DHRS4L2: variants seen among roughly 807,000 people sequenced by gnomAD.
DHRS4L2 encodes dehydrogenase/reductase SDR family member 4-like 2.
Under a neutral mutation model 23.9 loss-of-function variants are expected in DHRS4L2, and 22 were observed. The ratio of observed to expected loss-of-function variants is 0.92; its 90% CI spans 0.66 to 1.31. The LOEUF (loss-of-function observed/expected upper bound fraction) is 1.31, where lower values mean the gene tolerates loss of function less well. Ranked by LOEUF, DHRS4L2 falls within the 40% of genes most tolerant of loss-of-function variation. The pLI is 0.00. For synonymous variants in DHRS4L2, 141 were observed against 123.7 expected (o/e 1.14, Z -0.93); for missense variants, 385 against 303.3 (o/e 1.27, Z -2.00).
chr14:23,973,295 G>A (rs1389321226), intron 1 of DHRS4L2, among the ~76,000 whole-genome samples: 1 of 151,936 alleles, frequency 6.6e-6, no homozygotes, highest in Non-Finnish European at 1.5e-5. Flanking sequence ...GTGCCGCCAA[G>A]GCCACACCCA....
chr14:23,997,654 G>T (rs187830139), intron 3 of DHRS4L2, among the ~76,000 whole-genome samples: 3 of 146,986 alleles, frequency 2.0e-5, no homozygotes, highest in Admixed American at 6.6e-5. Flanking sequence ...CAGCTCCTCA[G>T]CCATCTACAT....
At chr14:23,990,433 C>G in intron 2 of DHRS4L2, 74 bp downstream of exon 2, 1 of 1,504,524 alleles carries the variant, frequency 6.6e-7, no homozygotes, top group Non-Finnish European at 8.9e-7. Flanking sequence ...TCCCTGCTTT[C>G]CTAGACAGCA....
At chr14:23,988,825 T>C (rs1300975501), upstream of DHRS4L2, 16 of 1,430,544 alleles carry the variant, frequency 1.1e-5, no homozygotes, top group Middle Eastern at 2.0e-4. Context: ...CACAGACGAC[T>C]CCCAGCTGGC....
chr14:24,000,869 G>A lies in DHRS4L2; in HGVS notation c.415G>A (p.Asp139Asn), dbSNP rs1376255721. Residue 139 changes from aspartate (D) to asparagine (N), a missense_variant, in exon 4 of 8, where the codon GAC becomes AAC. Coordinates refer to ENST00000335125, the MANE Select transcript of DHRS4L2 (RefSeq NM_198083.4). ...CTTCTTCTCTTGGCTTCAGACTCTG[G>A]ACATTAATGTGAAGGCCCCAGCCCT... ...VTEEVWDKTLDINVKAPALMT... is the reference protein window; with the variant it reads ...VTEEVWDKTLNINVKAPALMT... 1 of 1,609,594 alleles carries A rather than the reference G, an allele frequency of 6.2e-7. No homozygotes were observed. The highest frequency in any genetic ancestry group is 8.5e-7 in the Non-Finnish European group (1 of 1,178,038).
chr14:23,988,714 G>T (rs72692115), upstream of DHRS4L2: 2 of 1,249,590 alleles, frequency 1.6e-6, no homozygotes, highest in Non-Finnish European at 1.0e-6. Flanking sequence ...AACGGAGAGC[G>T]CTTTGATCAC....
intron 3 of DHRS4L2, among the ~76,000 whole-genome samples, chr14:23,999,003 G>T (rs930550337): frequency 3.3e-5 from 5 of 149,490 alleles, no homozygotes; most frequent in African/African-American, 9.9e-5. Flanking sequence ...ACAAGCCATT[G>T]TAGGGTTAAT....
At chr14:23,981,199 C>A (rs796990882) in intron 1 of DHRS4L2, among the ~76,000 whole-genome samples, 1 of 144,314 alleles carries the variant, frequency 6.9e-6, no homozygotes, top group Admixed American at 6.7e-5. Flanking sequence ...AACTCCCATT[C>A]GCGACTGCTA....
intron 2 of DHRS4L2, among the ~76,000 whole-genome samples, chr14:23,991,533 T>C (rs2034269677): frequency 2.0e-5 from 3 of 151,694 alleles, no homozygotes; most frequent in Non-Finnish European, 4.4e-5. Context: ...GAAGTGGTAC[T>C]TGAGCTAAAC....
At chr14:23,990,150 C>T (rs2034236176) in intron 1 of DHRS4L2, 32 bp from the exon 2 acceptor site, 1 of 1,611,840 alleles carries the variant, frequency 6.2e-7, no homozygotes. Flanking sequence ...CCTGCACAGG[C>T]CTTAGCAGTC....
upstream of DHRS4L2, among the ~76,000 whole-genome samples, chr14:23,987,631 C>T (rs1288960951): frequency 7.3e-5 from 11 of 151,642 alleles, 1 homozygote; most frequent in Non-Finnish European, 1.6e-4. Flanking sequence ...TACCCATCTG[C>T]TTTCATCATC....
intron 2 of DHRS4L2, among the ~76,000 whole-genome samples, chr14:23,993,621 C>T (rs985994649): frequency 6.6e-6 from 1 of 151,662 alleles, no homozygotes; most frequent in Admixed American, 6.6e-5. Flanking sequence ...CCATTCATTA[C>T]TCTAGCACAC....
upstream of DHRS4L2, among the ~76,000 whole-genome samples, chr14:23,985,909 G>A (rs1949509341): frequency 6.6e-6 from 1 of 151,272 alleles, no homozygotes; most frequent in Non-Finnish European, 1.5e-5. Flanking sequence ...TCACCATGTT[G>A]GTCAGGCTGG....
chr14:23,971,880 C>T (rs868212084), intron 1 of DHRS4L2, among the ~76,000 whole-genome samples: 12 of 152,026 alleles, frequency 7.9e-5, no homozygotes, highest in Admixed American at 2.6e-4. Flanking sequence ...CAAAAACATA[C>T]GAAATTGTAA....
At chr14:23,984,812 A>C (rs2034111571), upstream of DHRS4L2, among the ~76,000 whole-genome samples, 1 of 150,482 alleles carries the variant, frequency 6.6e-6, no homozygotes, top group Admixed American at 6.6e-5. Flanking sequence ...TCTCAAAAAA[A>C]AAAAAAAAAA....
intron 1 of DHRS4L2, 52 bp from the exon 2 acceptor site, chr14:23,990,130 G>A (rs367608971): frequency 3.1e-6 from 5 of 1,600,438 alleles, no homozygotes; most frequent in East Asian, 2.2e-5. Flanking sequence ...CCATGCTGTC[G>A]ACCTCTTCCC....
In DHRS4L2 at chr14:24,000,940, A is replaced by C; in HGVS notation, c.479+7A>C. 2.5e-6 allele frequency: 4 copies of C among 1,611,346 alleles called. No individual in the cohort carries two copies. The highest frequency in any genetic ancestry group is 3.4e-6 in the Non-Finnish European group (4 of 1,179,416). Reference sequence around the variant, plus strand: ...CAGAAATGGAGAAACGAGGGTACAGAGAGTGAGAGAGAGCCTGGGTGAGAG... The same window carrying C: ...CAGAAATGGAGAAACGAGGGTACAGCGAGTGAGAGAGAGCCTGGGTGAGAG... On this transcript the variant is annotated splice_region_variant and intron_variant, in intron 4 of 7. Coordinates refer to ENST00000335125, the MANE Select transcript of DHRS4L2 (RefSeq NM_198083.4).
chr14:23,983,591 T>C (rs527588747), intron 1 of DHRS4L2, among the ~76,000 whole-genome samples: 4 of 151,622 alleles, frequency 2.6e-5, no homozygotes, highest in African/African-American at 4.8e-5. Flanking sequence ...CATATGCTTA[T>C]TGCAGCACTG....
At chr14:23,993,124 G>C (rs141660032) in intron 2 of DHRS4L2, among the ~76,000 whole-genome samples, 4 of 150,372 alleles carry the variant, frequency 2.7e-5, no homozygotes, top group Non-Finnish European at 5.9e-5. Context: ...GCAATCCATT[G>C]TCTCCTCCCA....
intron 1 of DHRS4L2, 28 bp from the exon 2 acceptor site, chr14:23,990,154 A>G (rs2034236251): frequency 1.9e-6 from 3 of 1,612,016 alleles, no homozygotes; most frequent in Non-Finnish European, 2.5e-6. Flanking sequence ...CACAGGCCTT[A>G]GCAGTCTTTG....
Sources: gnomAD v4.1 joint callset for allele counts (sites outside exome capture counted in the v4.1 genomes callset) on GRCh38, gnomAD v4.1.1 for gene constraint, MANE v1.5 for transcripts, NCBI Gene and HGNC (gene_info 2026-07-23, HGNC 2026-07-21) for gene names.